Variants in PCDH7 observed in about 807,000 individuals in gnomAD.
The protein encoded by PCDH7 is protocadherin-7.
PCDH7 carries 17 observed loss-of-function variants against 58.9 expected under a neutral mutation model. The observed-to-expected ratio is 0.29, with a 90% CI of 0.20 to 0.43. PCDH7 has a LOEUF of 0.43. Ranked by LOEUF, PCDH7 falls within the 20% of genes least tolerant of loss-of-function variation. The probability of loss-of-function intolerance (pLI) is 1.00; values close to 1 mark genes in which losing one functional copy is unlikely to be tolerated. For missense variants in PCDH7, 1,274 were observed against 1,441.0 expected (o/e 0.88, Z 1.88); for synonymous variants, 664 against 616.4 (o/e 1.08, Z -1.14).
At chr4:30,797,512 G>A (rs1724953160) in intron 1 of PCDH7, among the ~76,000 whole-genome samples, 1 of 152,090 alleles carries the variant, frequency 6.6e-6, no homozygotes, top group African/African-American at 2.4e-5. Context: ...CTGACCTCGT[G>A]ATCTGCCCGC....
chr4:30,847,480 T>A (rs540889720), intron 1 of PCDH7, among the ~76,000 whole-genome samples: 1 of 152,314 alleles, frequency 6.6e-6, no homozygotes, highest in South Asian at 2.1e-4. Context: ...CATGCATTAA[T>A]GTCTGACTTG....
At chr4:31,107,220 A>C in intron 3 of PCDH7, among the ~76,000 whole-genome samples, 1 of 152,208 alleles carries the variant, frequency 6.6e-6, no homozygotes, top group East Asian at 1.9e-4. Context: ...ATATACAAGT[A>C]ATGACATGAA....
chr4:31,074,784 C>CAAAAAAAA lies in PCDH7; in HGVS notation c.*8-67673_*8-67666dup, dbSNP rs1157267696. On this transcript the variant is annotated intron_variant, in intron 3 of 3. Coordinates refer to the PCDH7 transcript ENST00000509759. The stretch of plus-strand genomic sequence containing the variant: ...TGGGCTACAGAGGGAGATTCCGTCT[C>CAAAAAAAA]AAAAAAAAAAAAAAAAAAAAAAAGC... 6.3e-3 allele frequency among the ~76,000 whole-genome samples: 331 copies of CAAAAAAAA among 52,468 alleles called. 17 individuals are homozygous for CAAAAAAAA. Among genetic ancestry groups the CAAAAAAAA allele is most frequent in the South Asian group, 0.011 (11 of 960 alleles). The allele number at this position is 52,468 out of a possible 152,430, so 34.4% of individuals were successfully genotyped here.
intron 1 of PCDH7, among the ~76,000 whole-genome samples, chr4:30,872,032 T>A (rs1378587929): frequency 6.6e-6 from 1 of 152,120 alleles, no homozygotes; most frequent in Non-Finnish European, 1.5e-5. Flanking sequence ...CTTTATTACA[T>A]CTGCATATTT....
intron 1 of PCDH7, among the ~76,000 whole-genome samples, chr4:30,855,628 T>C (rs1733354898): frequency 6.6e-6 from 1 of 152,192 alleles, no homozygotes; most frequent in African/African-American, 2.4e-5. Flanking sequence ...AGTTAATTTC[T>C]TGAAATCTGT....
intron 1 of PCDH7, among the ~76,000 whole-genome samples, chr4:30,774,487 G>T (rs1159332156): frequency 6.6e-6 from 1 of 152,140 alleles, no homozygotes; most frequent in African/African-American, 2.4e-5. Flanking sequence ...AAATTCCGCA[G>T]AATCCTCTGT....
intron 1 of PCDH7, among the ~76,000 whole-genome samples, chr4:30,824,152 TTTCTTTC>T (rs1354029194): frequency 1.7e-4 from 25 of 145,576 alleles, no homozygotes; most frequent in African/African-American, 5.8e-4. Context: ...TCTTTCTTTC[TTTCTTTC>T]TTTTTGCTTC....
chr4:31,017,215 T>C (rs1206938502), intron 3 of PCDH7, among the ~76,000 whole-genome samples: 3 of 152,208 alleles, frequency 2.0e-5, no homozygotes. Context: ...AAATGTCTGC[T>C]TTTAATTCTA....
At chr4:30,973,109 TAA>T (rs1333113890) in intron 3 of PCDH7, among the ~76,000 whole-genome samples, 1 of 152,236 alleles carries the variant, frequency 6.6e-6, no homozygotes, top group Non-Finnish European at 1.5e-5. Flanking sequence ...AAATTCTTAA[TAA>T]GTTTGCCTTT....
chr4:30,877,881 A>C (rs1736483882), intron 1 of PCDH7, among the ~76,000 whole-genome samples: 1 of 152,084 alleles, frequency 6.6e-6, no homozygotes, highest in Non-Finnish European at 1.5e-5. Flanking sequence ...TTTTGAGGAT[A>C]GTTATTTGTT....
intron 3 of PCDH7, among the ~76,000 whole-genome samples, chr4:30,967,311 A>C (rs960702618): frequency 2.0e-5 from 3 of 152,168 alleles, no homozygotes; most frequent in Admixed American, 6.5e-5. Context: ...CTAATTATAA[A>C]AGAGCCTAAT....
chr4:31,084,353 C>T (rs1011563239), intron 3 of PCDH7, among the ~76,000 whole-genome samples: 29 of 151,896 alleles, frequency 1.9e-4, no homozygotes, highest in Non-Finnish European at 3.1e-4. Flanking sequence ...GCATTATAGA[C>T]GAAGATGTGA....
chr4:30,792,997 T>C (rs1254602745), intron 1 of PCDH7, among the ~76,000 whole-genome samples: 1 of 152,158 alleles, frequency 6.6e-6, no homozygotes, highest in African/African-American at 2.4e-5. Flanking sequence ...AACCTGATTG[T>C]TAAAGTTATG....
intron 1 of PCDH7, among the ~76,000 whole-genome samples, chr4:30,743,674 CAT>C (rs1226255864): frequency 1.3e-5 from 2 of 151,852 alleles, no homozygotes; most frequent in African/African-American, 4.8e-5. Context: ...CAGAATAAAA[CAT>C]AGCATTCTCT....
intron 2 of PCDH7, among the ~76,000 whole-genome samples, chr4:30,938,756 T>C (rs1745669420): frequency 6.6e-6 from 1 of 152,144 alleles, no homozygotes; most frequent in African/African-American, 2.4e-5. Context: ...AGTATAAAAT[T>C]TGTAACATAT....
chr4:30,772,704 T>A (rs1422292900), intron 1 of PCDH7, among the ~76,000 whole-genome samples: 1 of 152,200 alleles, frequency 6.6e-6, no homozygotes, highest in Non-Finnish European at 1.5e-5. Flanking sequence ...TATCTTTGAA[T>A]AATAACAGTG....
chr4:31,051,675 A>G (rs1756741310), intron 3 of PCDH7, among the ~76,000 whole-genome samples: 2 of 152,134 alleles, frequency 1.3e-5, no homozygotes, highest in South Asian at 4.1e-4. Context: ...ACATGTTTAT[A>G]ATGGGTAGCA....
chr4:30,901,575 G>A (rs1041801927), intron 1 of PCDH7, among the ~76,000 whole-genome samples: 1 of 152,128 alleles, frequency 6.6e-6, no homozygotes, highest in Non-Finnish European at 1.5e-5. Flanking sequence ...TGTAAAACAC[G>A]GCAGGGAATT....
At chr4:31,038,349 A>T (rs1003717817) in intron 3 of PCDH7, among the ~76,000 whole-genome samples, 1 of 152,196 alleles carries the variant, frequency 6.6e-6, no homozygotes, top group Admixed American at 6.5e-5. Flanking sequence ...TACATTACCC[A>T]TGATAAATCA....
Sources: allele counts gnomAD v4.1 joint callset (sites outside exome capture counted in the v4.1 genomes callset), GRCh38; gene constraint gnomAD v4.1.1; transcripts MANE v1.5; gene names NCBI Gene and HGNC (gene_info 2026-07-23, HGNC 2026-07-21).